Variants in QDPR observed in about 807,000 individuals in gnomAD.
The protein encoded by QDPR is dihydropteridine reductase.
Under a neutral mutation model 31.7 loss-of-function variants are expected in QDPR, and 23 were observed. The observed-to-expected ratio is 0.73, with a 90% confidence interval of 0.52 to 1.03. QDPR has a LOEUF of 1.03. Ranked by LOEUF, QDPR falls within the 50% of genes least tolerant of loss-of-function variation. The pLI is 0.00. For missense variants in QDPR, 324 were observed against 323.8 expected, an observed-to-expected ratio of 1.00 and a Z score of 0.00; for synonymous variants, 124 against 124.7, an observed-to-expected ratio of 0.99 and a Z score of 0.03.
At chr4:17,507,950 G>A (rs536472384) in intron 2 of QDPR, among the ~76,000 whole-genome samples, 15 of 152,134 alleles carry the variant, frequency 9.9e-5, no homozygotes, top group Non-Finnish European at 1.9e-4. Flanking sequence ...ACTGTTAATA[G>A]TGCATCCTTC....
At chr4:17,490,450 G>C (rs744729) in intron 6 of QDPR, 9,655 of 552,818 alleles carry the variant, frequency 0.017, 711 homozygotes, top group African/African-American at 0.16. Flanking sequence ...GATTCATGTC[G>C]GCACTACCCA....
intron 2 of QDPR, among the ~76,000 whole-genome samples, chr4:17,508,021 C>T (rs189726721): frequency 3.3e-5 from 5 of 152,154 alleles, no homozygotes; most frequent in African/African-American, 9.7e-5. Flanking sequence ...TCTATATTTA[C>T]GTAGTTTTGT....
At chr4:17,499,542 C>T (rs1197763967) in intron 4 of QDPR, among the ~76,000 whole-genome samples, 1 of 152,184 alleles carries the variant, frequency 6.6e-6, no homozygotes, top group African/African-American at 2.4e-5. Context: ...CTTGTAACAT[C>T]ACATGCTCTA....
intron 4 of QDPR, among the ~76,000 whole-genome samples, chr4:17,496,048 A>G (rs1282562719): frequency 6.6e-6 from 1 of 151,872 alleles, no homozygotes; most frequent in Non-Finnish European, 1.5e-5. Flanking sequence ...TAAATAAATA[A>G]ATACTTTATT....
At chr4:17,492,174 G>A (rs527249540) in intron 5 of QDPR, 58 bp downstream of exon 5, 13 of 1,457,188 alleles carry the variant, frequency 8.9e-6, no homozygotes, top group East Asian at 4.6e-5. Flanking sequence ...TCAGACAAAC[G>A]GTCACCTGCA....
In QDPR at chr4:17,502,044, G is replaced by C. The variant is rs140820438; in HGVS notation, c.296-185C>G. Among the ~76,000 whole-genome samples the C allele has an allele frequency of 8.4e-3, 1,277 of 152,316 alleles. 17 individuals are homozygous for C. The highest frequency in any genetic ancestry group is 0.029 in the African/African-American group (1,219 of 41,562). On this transcript the variant is annotated intron_variant, in intron 3 of 6. Transcript: ENST00000281243. ...AGACACAGGTTCAAATCCAGGCCAT[G>C]GGATTGCCTGAGGTTCAGCTTCCTT...
intron 4 of QDPR, among the ~76,000 whole-genome samples, chr4:17,493,408 G>A (rs760381064): frequency 3.3e-5 from 5 of 152,094 alleles, no homozygotes; most frequent in Admixed American, 6.6e-5. Flanking sequence ...CTGTACTCCC[G>A]TCTGATTTAA....
At chr4:17,499,261 C>T (rs977890715) in intron 4 of QDPR, among the ~76,000 whole-genome samples, 2 of 152,180 alleles carry the variant, frequency 1.3e-5, no homozygotes, top group African/African-American at 4.8e-5. Flanking sequence ...AGAAGTCCAA[C>T]GTGCACAGTT....
chr4:17,496,562 T>C (rs1413191492), intron 4 of QDPR, among the ~76,000 whole-genome samples: 1 of 151,514 alleles, frequency 6.6e-6, no homozygotes, highest in Non-Finnish European at 1.5e-5. Context: ...AACTAACTTT[T>C]AAATTATTTA....
intron 6 of QDPR, among the ~76,000 whole-genome samples, chr4:17,488,275 T>A (rs7696913): frequency 1.3e-5 from 2 of 151,544 alleles, no homozygotes; most frequent in African/African-American, 4.8e-5. Context: ...AAAAAAAAAA[T>A]TGTTTTTAAA....
chr4:17,494,741 T>A (rs1343576398), intron 4 of QDPR, among the ~76,000 whole-genome samples: 1 of 152,140 alleles, frequency 6.6e-6, no homozygotes, highest in Non-Finnish European at 1.5e-5. Flanking sequence ...CGGACAGCAA[T>A]AAGGAATTGC....
intron 6 of QDPR, chr4:17,490,459 C>T (rs1718119938): frequency 8.7e-6 from 5 of 575,660 alleles, no homozygotes; most frequent in Non-Finnish European, 1.6e-5. Flanking sequence ...CGGCACTACC[C>T]ATTCTGCCAC....
At chr4:17,503,493 A>G (rs1486616323) in intron 3 of QDPR, among the ~76,000 whole-genome samples, 1 of 152,200 alleles carries the variant, frequency 6.6e-6, no homozygotes, top group Non-Finnish European at 1.5e-5. Flanking sequence ...ATTTTCAAAC[A>G]GTTAACAAAA....
Position 17,487,235 on chromosome 4 carries a change from T to C in QDPR, c.631A>G (p.Thr211Ala). 3 of 1,613,632 alleles carry C rather than the reference T, an allele frequency of 1.9e-6. No individual in the cohort carries two copies. The highest frequency in any genetic ancestry group is 2.5e-6 in the Non-Finnish European group (3 of 1,179,584). ...SWTPLEFLVE[T>A]FHDWITGKNR... The stretch of plus-strand genomic sequence containing the variant: ...TTCCCTGTGATCCAGTCATGGAAAG[T>C]TCTGGAACAGAAAATAAAAGTTTTT... Residue 211 changes from threonine to alanine, a missense_variant and splice_region_variant, in exon 7 of 7, where the codon ACT becomes GCT. Thr to Ala is a moderately conservative substitution (Grantham distance 58). Coordinates refer to ENST00000281243, the MANE Select transcript of QDPR (RefSeq NM_000320.3).
chr4:17,509,114 T>C (rs1399579321), intron 2 of QDPR, among the ~76,000 whole-genome samples, 157 bp downstream of exon 2: 5 of 152,008 alleles, frequency 3.3e-5, no homozygotes, highest in Admixed American at 3.3e-4. Flanking sequence ...ACGGAGATCA[T>C]GCCACTGCAC....
At chr4:17,500,492 CAT>C (rs1718522167) in intron 4 of QDPR, among the ~76,000 whole-genome samples, 1 of 152,118 alleles carries the variant, frequency 6.6e-6, no homozygotes, top group Admixed American at 6.5e-5. Context: ...AAAATGAGCC[CAT>C]TGAGATGGGC....
chr4:17,508,684 C>G (rs1221688788), intron 2 of QDPR, among the ~76,000 whole-genome samples: 4 of 145,032 alleles, frequency 2.8e-5, no homozygotes, highest in South Asian at 4.4e-4. Flanking sequence ...ACAAAATTAC[C>G]TAAACTTGTA....
In QDPR at chr4:17,490,218, C is replaced by T. The variant is rs185558172; in HGVS notation, c.629+444G>A. On this transcript the variant is annotated intron_variant, in intron 6 of 6. Coordinates refer to ENST00000281243, the MANE Select transcript of QDPR (RefSeq NM_000320.3). ...GCCCCCAGGCCATCTACGTGGTGTC[C>T]CCCTCCCCCATGGAGTCTCCTCATC... The T allele has an allele frequency of 8.1e-4, 181 of 223,708 alleles. 2 individuals are homozygous for T. The South Asian group carries it at 9.6e-3, about 12-fold the overall frequency. The allele number at this position is 223,708 out of a possible 1,614,324, so 13.9% of individuals were successfully genotyped here.
intron 3 of QDPR, among the ~76,000 whole-genome samples, chr4:17,502,641 G>A (rs1234863047): frequency 1.3e-5 from 2 of 152,204 alleles, no homozygotes; most frequent in Non-Finnish European, 2.9e-5. Flanking sequence ...ACCTCACAAA[G>A]CACCACTCTC....
Sources: gnomAD v4.1 joint callset for allele counts (sites outside exome capture counted in the v4.1 genomes callset) on GRCh38, gnomAD v4.1.1 for gene constraint, MANE v1.5 for transcripts, NCBI Gene and HGNC (gene_info 2026-07-23, HGNC 2026-07-21) for gene names.